Variants in ZFHX3 observed in about 807,000 individuals in gnomAD.
ZFHX3 encodes the protein zinc finger homeobox protein 3.
A neutral mutation model predicts 279.1 loss-of-function variants in ZFHX3; 42 were observed. The ratio of observed to expected loss-of-function variants is 0.15; its 90% confidence interval spans 0.12 to 0.19. The LOEUF (loss-of-function observed/expected upper bound fraction) is 0.19, where lower values mean the gene tolerates loss of function less well. Ranked by LOEUF, ZFHX3 falls within the 10% of genes least tolerant of loss-of-function variation. The pLI, the probability that ZFHX3 is intolerant of heterozygous loss-of-function variation, is 1.00. For synonymous variants in ZFHX3, 2,293 were observed against 1,957.8 expected, an observed-to-expected ratio of 1.17 and a Z score of -4.52; for missense variants, 4,981 against 4,754.0, an observed-to-expected ratio of 1.05 and a Z score of -1.40.
Position 73,634,461 on chromosome 16 carries a change from T to TAA in ZFHX3, c.-1547+45717_-1547+45718dup, listed in dbSNP as rs34811810. Among the ~76,000 whole-genome samples, 74 of 140,966 alleles carry TAA rather than the reference T, an allele frequency of 5.2e-4. 1 individual carries two copies. Among genetic ancestry groups the TAA allele is most frequent in the African/African-American group, 1.8e-3 (67 of 36,272 alleles). 92.5% of individuals were successfully genotyped at this position (140,966 alleles called of 152,430 possible). A position where few individuals can be genotyped will look rare whatever the true frequency, so the allele number is the denominator to read the frequency against. ...ATATATATATATATATATATATATATAAAATATATATGTAAAAGTCATAAC... is the reference window on the plus strand; with the variant it reads ...ATATATATATATATATATATATATATAAAAAATATATATGTAAAAGTCATAAC... On this transcript the variant is annotated intron_variant, in intron 2 of 17. Coordinates refer to the ZFHX3 transcript ENST00000641206.
In ZFHX3 at chr16:73,418,575, G is replaced by A. The variant is rs1484493648; in HGVS notation, c.-1291+37428C>T. Among the ~76,000 whole-genome samples the A allele has an allele frequency of 3.9e-5, 6 of 152,316 alleles. No homozygotes were observed. The South Asian group carries it at 1.2e-3, about 32-fold the overall frequency. On this transcript the variant is annotated intron_variant, in intron 3 of 17. Coordinates refer to the ZFHX3 transcript ENST00000641206. ...AGAGTATGTGTGAGAAAAAGAAAGA[G>A]ACATGTCAGAATCCCACAGACAACA...
chr16:73,805,672 C>T (rs1348061125), intron 1 of ZFHX3, among the ~76,000 whole-genome samples: 6 of 152,186 alleles, frequency 3.9e-5, no homozygotes, highest in African/African-American at 1.4e-4. Flanking sequence ...AGGGCACTGC[C>T]CTAGCAATGA....
chr16:73,524,175 G>C (rs2019654123), intron 2 of ZFHX3, among the ~76,000 whole-genome samples: 1 of 152,130 alleles, frequency 6.6e-6, no homozygotes, highest in Non-Finnish European at 1.5e-5. Context: ...CCATCTCTCT[G>C]TGCACCTACC....
intron 3 of ZFHX3, among the ~76,000 whole-genome samples, chr16:73,325,928 A>AAAAACACACAC (rs368062772): frequency 3.1e-3 from 458 of 145,512 alleles, no homozygotes; most frequent in Middle Eastern, 6.9e-3. Context: ...CACACACACA[A>AAAAACACACAC]ACACACACAC....
chr16:73,721,241 C>A (rs1353910060), intron 1 of ZFHX3, among the ~76,000 whole-genome samples: 2 of 152,220 alleles, frequency 1.3e-5, no homozygotes, highest in Non-Finnish European at 2.9e-5. Context: ...CCTGCCTCAG[C>A]CTCCCAGGGA....
chr16:73,601,895 T>C (rs939130130), intron 2 of ZFHX3, among the ~76,000 whole-genome samples: 1 of 152,144 alleles, frequency 6.6e-6, no homozygotes, highest in African/African-American at 2.4e-5. Context: ...AAGTATAATA[T>C]GGTCAGGAAC....
chr16:73,087,091 A>T (rs544517539), intron 8 of ZFHX3, among the ~76,000 whole-genome samples: 5 of 152,338 alleles, frequency 3.3e-5, no homozygotes, highest in African/African-American at 1.2e-4. Flanking sequence ...AAATAGGTAC[A>T]ACTATTATTT....
intron 3 of ZFHX3, among the ~76,000 whole-genome samples, chr16:73,438,312 T>G (rs1457271975): frequency 6.6e-6 from 1 of 152,226 alleles, no homozygotes; most frequent in African/African-American, 2.4e-5. Flanking sequence ...GGCTCTTCCC[T>G]GGTAGAGATG....
At chr16:72,911,226 G>A (rs1404826133) in intron 3 of ZFHX3, among the ~76,000 whole-genome samples, 6 of 152,210 alleles carry the variant, frequency 3.9e-5, no homozygotes, top group African/African-American at 1.4e-4. Flanking sequence ...TCTGCCACAG[G>A]AGTTAATATT....
intron 2 of ZFHX3, among the ~76,000 whole-genome samples, chr16:73,469,629 T>A (rs8059177): frequency 0.067 from 9,993 of 148,888 alleles, 856 homozygotes; most frequent in African/African-American, 0.22. Flanking sequence ...ATATATATAT[T>A]TTTTTTGAGA....
chr16:73,627,014 A>T (rs2142143160), intron 2 of ZFHX3, among the ~76,000 whole-genome samples: 1 of 152,320 alleles, frequency 6.6e-6, no homozygotes, highest in Non-Finnish European at 1.5e-5. Flanking sequence ...CCATCATTAT[A>T]TTGTAGAGAA....
At chr16:73,496,757 C>A (rs1408609464) in intron 2 of ZFHX3, among the ~76,000 whole-genome samples, 2 of 152,098 alleles carry the variant, frequency 1.3e-5, no homozygotes, top group Admixed American at 6.5e-5. Flanking sequence ...TGCCAAATGA[C>A]TTCTGCCTGG....
At chr16:73,711,971 C>A (rs2053367529) in intron 1 of ZFHX3, among the ~76,000 whole-genome samples, 1 of 152,190 alleles carries the variant, frequency 6.6e-6, no homozygotes. Flanking sequence ...ACAGCCCAGG[C>A]AGGAAAGAAG....
chr16:73,600,367 T>C (rs1469102107), intron 2 of ZFHX3, among the ~76,000 whole-genome samples: 1 of 152,054 alleles, frequency 6.6e-6, no homozygotes, highest in Middle Eastern at 3.2e-3. Context: ...TGTCCCATAT[T>C]TCCATGGCTG....
In ZFHX3 at chr16:72,957,987, G is replaced by A. The variant is rs371093012; in HGVS notation, c.2159C>T (p.Thr720Met). The change falls in exon 2 of 10, where the codon ACG (threonine) becomes ATG (methionine). Residue 720 changes from threonine (T) to methionine (M), a missense_variant. Thr to Met is a moderately conservative substitution (Grantham distance 81). Transcript: ENST00000268489. ...GCAGCGGAAAGGCTTGTAACCACAC[G>A]TGTAGCTCTCGCCTCGTGCCAGCCG... is the stretch of plus-strand genomic sequence containing the variant. ...HPRLARGESY[T>M]CGYKPFRCEV... The A allele has an allele frequency of 3.8e-5, 62 of 1,613,916 alleles. No individual in the cohort carries two copies. Among genetic ancestry groups the A allele is most frequent in the Non-Finnish European group, 4.8e-5 (57 of 1,180,052 alleles).
At chr16:72,807,962 G>A (rs2036321256) in intron 7 of ZFHX3, 1 of 152,156 alleles carries the variant, frequency 6.6e-6, no homozygotes, top group African/African-American at 2.4e-5. Flanking sequence ...ATTCCTTAAT[G>A]ATATGGTTTA....
chr16:73,768,300 G>A (rs2053977158), intron 1 of ZFHX3, among the ~76,000 whole-genome samples: 1 of 152,170 alleles, frequency 6.6e-6, no homozygotes, highest in Non-Finnish European at 1.5e-5. Flanking sequence ...GTCGGCCTCT[G>A]GGCACAAAGG....
chr16:72,903,392 T>C (rs140831629), intron 3 of ZFHX3, among the ~76,000 whole-genome samples: 15 of 152,310 alleles, frequency 9.8e-5, no homozygotes, highest in Non-Finnish European at 1.8e-4. Context: ...ACAAGCCCTC[T>C]AGGCGATTCT....
rs1474736988 is a variant in ZFHX3 at position 73,146,563 on chromosome 16, T to C, written c.-1103-2732A>G. Among the ~76,000 whole-genome samples, 3 of 152,196 alleles carry C rather than the reference T, an allele frequency of 2.0e-5. No homozygotes were observed. In the East Asian group the frequency reaches 5.8e-4, roughly 29 times the overall value. ...TGAATGGGAGAACGGCTTGTTGAAA[T>C]TGCAAGGTTATTCTCCTCTTGAGTT... On this transcript the variant is annotated intron_variant, in intron 5 of 17. Transcript: ENST00000641206.
Sources: allele counts gnomAD v4.1 joint callset (sites outside exome capture counted in the v4.1 genomes callset), GRCh38; gene constraint gnomAD v4.1.1; transcripts MANE v1.5; gene names NCBI Gene and HGNC (gene_info 2026-07-23, HGNC 2026-07-21).